SMAD3: variants seen among roughly 807,000 people sequenced by gnomAD.
SMAD3 encodes SMAD family member 3, also known as MAD homolog 3.
In SMAD3, 12 loss-of-function variants were observed where a neutral mutation model predicts 51.8. The ratio of observed to expected loss-of-function variants is 0.23; its 90% CI spans 0.15 to 0.38. The LOEUF (loss-of-function observed/expected upper bound fraction) is 0.38. Ranked by LOEUF, SMAD3 falls within the 10% of genes least tolerant of loss-of-function variation. The probability of loss-of-function intolerance (pLI) is 1.00; values close to 1 mark genes in which losing one functional copy is unlikely to be tolerated. For missense variants in SMAD3, 294 were observed against 565.6 expected (o/e 0.52, Z 4.87); for synonymous variants, 238 against 227.7 (o/e 1.05, Z -0.41).
rs568692639 is a variant in SMAD3 at position 67,109,621 on chromosome 15, A to G, written c.206+43261A>G. ...TATGAAAGCAAGCCAAGAGCCATGG[A>G]ATAATTAAAACACACACGCACACAA... On this transcript the variant is annotated intron_variant, in intron 1 of 8. Coordinates refer to ENST00000327367, the MANE Select transcript of SMAD3 (RefSeq NM_005902.4). 7.9e-5 allele frequency among the ~76,000 whole-genome samples: 12 copies of G among 152,344 alleles called. No individual in the cohort carries two copies. The South Asian group carries it at 2.5e-3, about 32-fold the overall frequency.
intron 4 of SMAD3, among the ~76,000 whole-genome samples, chr15:67,167,863 C>G (rs1448143368): frequency 6.6e-6 from 1 of 152,110 alleles, no homozygotes; most frequent in African/African-American, 2.4e-5. Context: ...TGTTCCATTC[C>G]GATGGTGGTG....
intron 1 of SMAD3, among the ~76,000 whole-genome samples, chr15:67,144,957 TCATC>T (rs1961935014): frequency 6.6e-6 from 1 of 152,048 alleles, no homozygotes. Context: ...GTGGATTCCC[TCATC>T]CTCACAAAGC....
chr15:67,185,010 A>G, intron 7 of SMAD3, 146 bp downstream of exon 7: 3 of 1,054,372 alleles, frequency 2.8e-6, no homozygotes, highest in South Asian at 2.7e-5. Context: ...GGTTTTCTCT[A>G]TGCCCACAGA....
chr15:67,114,853 C>G (rs951891862), intron 1 of SMAD3, among the ~76,000 whole-genome samples: 1 of 152,172 alleles, frequency 6.6e-6, no homozygotes, highest in Admixed American at 6.5e-5. Context: ...AACAGTTCCC[C>G]CTTCCCCCTC....
intron 1 of SMAD3, among the ~76,000 whole-genome samples, chr15:67,084,046 C>T (rs58843535): frequency 0.073 from 10,814 of 147,836 alleles, 492 homozygotes; most frequent in African/African-American, 0.12. Flanking sequence ...TCTGTGTATC[C>T]GTTCTCAGAT....
At chr15:67,131,979 TATC>T in intron 1 of SMAD3, among the ~76,000 whole-genome samples, 1 of 152,264 alleles carries the variant, frequency 6.6e-6, no homozygotes, top group East Asian at 1.9e-4. Flanking sequence ...CCTTCTGTCT[TATC>T]ATGCAGGGCA....
chr15:67,185,943 G>C (rs1963212898), intron 7 of SMAD3, among the ~76,000 whole-genome samples: 1 of 152,258 alleles, frequency 6.6e-6, no homozygotes, highest in South Asian at 2.1e-4. Context: ...TGGAGAAGTG[G>C]TAGACCACAG....
intron 1 of SMAD3, among the ~76,000 whole-genome samples, chr15:67,112,432 A>G (rs182044659): frequency 0.012 from 1,583 of 129,812 alleles, 283 homozygotes; most frequent in South Asian, 0.03. Flanking sequence ...AAGTGCTGGG[A>G]TGATAGGCGT....
chr15:67,089,333 T>G (rs1960462159), intron 1 of SMAD3, among the ~76,000 whole-genome samples: 1 of 152,210 alleles, frequency 6.6e-6, no homozygotes, highest in African/African-American at 2.4e-5. Flanking sequence ...TCCTTCAATC[T>G]ATGCCAGTCT....
chr15:67,073,507 C>T (rs764809201), intron 1 of SMAD3, among the ~76,000 whole-genome samples: 1 of 152,304 alleles, frequency 6.6e-6, no homozygotes, highest in Non-Finnish European at 1.5e-5. Flanking sequence ...TAGGAGTCAG[C>T]AGACCTTGGT....
At chr15:67,130,166 G>A (rs779954503) in intron 1 of SMAD3, among the ~76,000 whole-genome samples, 1 of 152,206 alleles carries the variant, frequency 6.6e-6, no homozygotes, top group Non-Finnish European at 1.5e-5. Flanking sequence ...TTGCATGGTG[G>A]ATGAATATCA....
chr15:67,065,790 C>G lies in SMAD3; in HGVS notation c.-365C>G, dbSNP rs1290399242. On this transcript the variant is annotated 5_prime_UTR_variant, in exon 1 of 9. Transcript: ENST00000327367. ...TTTGGCCGGGGGTTGGACTTTCCTTCCCGGAGGCGGCACCCAAACAGCTAC... is the reference window on the plus strand; with the variant it reads ...TTTGGCCGGGGGTTGGACTTTCCTTGCCGGAGGCGGCACCCAAACAGCTAC... 1 of 204,036 alleles carries G rather than the reference C, an allele frequency of 4.9e-6. No homozygotes were observed. Among genetic ancestry groups the G allele is most frequent in the Admixed American group, 6.0e-5 (1 of 16,724 alleles). The allele number at this position is 204,036 out of a possible 1,614,324, so 12.6% of individuals were successfully genotyped here.
At chr15:67,136,328 C>CTTTTTTTTTTTTT (rs11355676) in intron 1 of SMAD3, among the ~76,000 whole-genome samples, 3 of 137,120 alleles carry the variant, frequency 2.2e-5, no homozygotes, top group African/African-American at 2.7e-5. Context: ...GTCAGTCATT[C>CTTTTTTTTTTTTT]TTTTTTTTTT....
chr15:67,135,961 C>T (rs747345209), intron 1 of SMAD3, among the ~76,000 whole-genome samples: 8 of 152,322 alleles, frequency 5.3e-5, no homozygotes, highest in Non-Finnish European at 8.8e-5. Flanking sequence ...CCCTTCTTCT[C>T]GCTCCCGTTT....
At chr15:67,084,967 C>G (rs758176965) in intron 1 of SMAD3, among the ~76,000 whole-genome samples, 1 of 152,164 alleles carries the variant, frequency 6.6e-6, no homozygotes, top group Non-Finnish European at 1.5e-5. Flanking sequence ...CCTTTCAAAC[C>G]TGGGTTAGAC....
intron 1 of SMAD3, among the ~76,000 whole-genome samples, chr15:67,099,288 C>T (rs1349660665): frequency 6.6e-6 from 1 of 152,170 alleles, no homozygotes; most frequent in Non-Finnish European, 1.5e-5. Flanking sequence ...AAAGTTGGAG[C>T]CCAGCTCAGA....
intron 5 of SMAD3, among the ~76,000 whole-genome samples, chr15:67,178,932 C>T (rs970795236): frequency 7.9e-5 from 12 of 152,100 alleles, no homozygotes; most frequent in Non-Finnish European, 1.2e-4. Flanking sequence ...AGAGAGAAAA[C>T]GACAAGAATG....
intron 1 of SMAD3, among the ~76,000 whole-genome samples, chr15:67,094,876 G>A (rs1268356178): frequency 1.3e-5 from 2 of 152,178 alleles, no homozygotes; most frequent in South Asian, 2.1e-4. Context: ...GTCTCTGGGC[G>A]GATGGCAGGG....
chr15:67,154,184 AG>A (rs2140280571), intron 1 of SMAD3, among the ~76,000 whole-genome samples: 1 of 152,314 alleles, frequency 6.6e-6, no homozygotes, highest in African/African-American at 2.4e-5. Flanking sequence ...GAAGAAGTGA[AG>A]AAGAGGCCAG....
Sources: gnomAD v4.1 joint callset for allele counts (sites outside exome capture counted in the v4.1 genomes callset) on GRCh38, gnomAD v4.1.1 for gene constraint, MANE v1.5 for transcripts, NCBI Gene and HGNC (gene_info 2026-07-23, HGNC 2026-07-21) for gene names.